Variants in DPYD observed in about 807,000 individuals in gnomAD.
DPYD encodes dihydropyrimidine dehydrogenase, also known as dihydropyrimidine dehydrogenase [NADP(+)].
In DPYD, 109 loss-of-function variants were observed where a neutral mutation model predicts 116.2. That is an observed-to-expected ratio of 0.94 (90% CI 0.80 to 1.10). The LOEUF is 1.10. Ranked by LOEUF, DPYD falls within the 50% of genes least tolerant of loss-of-function variation. The pLI is 0.00. For missense variants in DPYD, 1,302 were observed against 1,254.5 expected, an observed-to-expected ratio of 1.04 and a Z score of -0.57; for synonymous variants, 440 against 432.0, an observed-to-expected ratio of 1.02 and a Z score of -0.23.
At chr1:97,229,161 G>A (rs1028822748) in intron 19 of DPYD, among the ~76,000 whole-genome samples, 108 of 136,334 alleles carry the variant, frequency 7.9e-4, no homozygotes, top group Middle Eastern at 9.8e-3. Context: ...CTGAGATTGC[G>A]TCACTGCACT....
chr1:97,353,672 A>ATT (rs1394430939), intron 16 of DPYD, among the ~76,000 whole-genome samples: 1 of 150,718 alleles, frequency 6.6e-6, no homozygotes, highest in Non-Finnish European at 1.5e-5. Context: ...TTAGAAATGA[A>ATT]TTTTGGGTGC....
chr1:97,649,503 C>T (rs1255352011), intron 8 of DPYD, among the ~76,000 whole-genome samples: 1 of 151,962 alleles, frequency 6.6e-6, no homozygotes, highest in Non-Finnish European at 1.5e-5. Context: ...CTTTTTCTAT[C>T]TTGAATGATT....
At chr1:97,514,362 T>C (rs895137472) in intron 13 of DPYD, 1 of 548,884 alleles carries the variant, frequency 1.8e-6, no homozygotes, top group Non-Finnish European at 2.3e-6. Context: ...TTTTCAGCTA[T>C]AATTCTTCAC....
chr1:97,389,048 A>G (rs1346536248), intron 14 of DPYD, among the ~76,000 whole-genome samples: 7 of 152,138 alleles, frequency 4.6e-5, no homozygotes, highest in Admixed American at 4.6e-4. Flanking sequence ...CTTGGTGTCT[A>G]CATTTTCTTT....
intron 20 of DPYD, among the ~76,000 whole-genome samples, chr1:97,115,756 C>T (rs534865719): frequency 1.3e-4 from 20 of 152,086 alleles, no homozygotes; most frequent in African/African-American, 4.8e-4. Flanking sequence ...AATCTCAAAT[C>T]GTAATTTAGA....
At chr1:97,638,328 T>A (rs930752230) in intron 8 of DPYD, among the ~76,000 whole-genome samples, 4 of 152,130 alleles carry the variant, frequency 2.6e-5, no homozygotes, top group African/African-American at 9.7e-5. Flanking sequence ...CAGAGAACTA[T>A]GCCCTGGGAA....
At chr1:97,340,494 A>G (rs1669537119) in intron 16 of DPYD, among the ~76,000 whole-genome samples, 1 of 151,890 alleles carries the variant, frequency 6.6e-6, no homozygotes, top group Non-Finnish European at 1.5e-5. Flanking sequence ...ACATAGGGAG[A>G]CTCTGTCTCC....
At chr1:97,615,695 T>C (rs1331133176) in intron 8 of DPYD, among the ~76,000 whole-genome samples, 1 of 152,102 alleles carries the variant, frequency 6.6e-6, no homozygotes, top group Non-Finnish European at 1.5e-5. Context: ...TCATTCCCCA[T>C]CATGCTGGCA....
intron 20 of DPYD, among the ~76,000 whole-genome samples, chr1:97,150,840 T>A (rs1654960260): frequency 1.3e-5 from 2 of 152,230 alleles, no homozygotes; most frequent in Non-Finnish European, 2.9e-5. Flanking sequence ...TATAAGAAAC[T>A]ACACACAAAT....
chr1:97,388,000 T>C (rs1013327673), intron 14 of DPYD, among the ~76,000 whole-genome samples: 1 of 152,026 alleles, frequency 6.6e-6, no homozygotes, highest in African/African-American at 2.4e-5. Context: ...ATAGGATAAG[T>C]GGGTTAAGGG....
At chr1:97,901,395 T>C (rs1673361748) in intron 1 of DPYD, among the ~76,000 whole-genome samples, 1 of 151,876 alleles carries the variant, frequency 6.6e-6, no homozygotes, top group Non-Finnish European at 1.5e-5. Context: ...GAAAAGTCTA[T>C]TATATGCTGA....
chr1:97,444,598 C>T (rs192319822), intron 14 of DPYD, among the ~76,000 whole-genome samples: 1 of 152,172 alleles, frequency 6.6e-6, no homozygotes, highest in Non-Finnish European at 1.5e-5. Context: ...TATGTATATA[C>T]ACATATACAT....
At chr1:97,703,542 G>A (rs2100982496) in intron 5 of DPYD, among the ~76,000 whole-genome samples, 1 of 152,000 alleles carries the variant, frequency 6.6e-6, no homozygotes, top group East Asian at 1.9e-4. Flanking sequence ...GAGACAGAAT[G>A]TATCTAAACT....
chr1:97,594,159 T>C (rs983924927), intron 9 of DPYD, among the ~76,000 whole-genome samples: 3 of 152,220 alleles, frequency 2.0e-5, no homozygotes, highest in African/African-American at 7.2e-5. Flanking sequence ...TCAATTACTA[T>C]AATTTTTTAA....
intron 18 of DPYD, among the ~76,000 whole-genome samples, chr1:97,273,956 A>G (rs2100903712): frequency 6.6e-6 from 1 of 152,298 alleles, no homozygotes; most frequent in Admixed American, 6.5e-5. Context: ...TTTCAGGGTA[A>G]AGTTGAAGGA....
chr1:97,830,201 A>G (rs767790397), intron 2 of DPYD, among the ~76,000 whole-genome samples: 9 of 152,210 alleles, frequency 5.9e-5, no homozygotes, highest in Non-Finnish European at 1.2e-4. Context: ...TAGTGCCTCA[A>G]TAAACATATG....
intron 3 of DPYD, among the ~76,000 whole-genome samples, chr1:97,745,852 T>C (rs1282191912): frequency 6.6e-6 from 1 of 152,080 alleles, no homozygotes; most frequent in Non-Finnish European, 1.5e-5. Flanking sequence ...CAGGTTAGAA[T>C]TTTAAAAGGT....
chr1:97,414,772 C>T (rs1299789445), intron 14 of DPYD, among the ~76,000 whole-genome samples: 1 of 152,246 alleles, frequency 6.6e-6, no homozygotes, highest in African/African-American at 2.4e-5. Context: ...CTATATCTTA[C>T]TAGGCGTCCT....
intron 8 of DPYD, among the ~76,000 whole-genome samples, chr1:97,630,030 G>A (rs992857126): frequency 1.1e-4 from 16 of 151,622 alleles, no homozygotes; most frequent in African/African-American, 3.1e-4. Context: ...AAGTTGTCAC[G>A]TATATCAATA....
Sources: allele counts gnomAD v4.1 joint callset (sites outside exome capture counted in the v4.1 genomes callset), GRCh38; gene constraint gnomAD v4.1.1; transcripts MANE v1.5; gene names NCBI Gene and HGNC (gene_info 2026-07-23, HGNC 2026-07-21).